Variants in DENND2C observed in about 807,000 individuals in gnomAD.
DENND2C encodes the protein DENN domain containing 2C, also known as DENN domain-containing protein 2C.
DENND2C carries 72 observed loss-of-function variants against 112.4 expected under a neutral mutation model. The ratio of observed to expected loss-of-function variants is 0.64; its 90% confidence interval spans 0.53 to 0.78. DENND2C has a LOEUF of 0.78. Among genes scored for constraint, DENND2C ranks in the 30% least tolerant of loss-of-function variants. The probability of loss-of-function intolerance (pLI) is 0.00; values close to 1 mark genes in which losing one functional copy is unlikely to be tolerated. For synonymous variants in DENND2C, 329 were observed against 381.6 expected, an observed-to-expected ratio of 0.86 and a Z score of 1.61; for missense variants, 992 against 1,113.8, an observed-to-expected ratio of 0.89 and a Z score of 1.56.
chr1:114,668,254 C>A (rs535697090), intron 1 of DENND2C, among the ~76,000 whole-genome samples: 2 of 152,042 alleles, frequency 1.3e-5, no homozygotes, highest in African/African-American at 4.8e-5. Flanking sequence ...AAAGACCCAT[C>A]CTCCACTGAA....
chr1:114,652,537 T>C (rs1657195889), intron 2 of DENND2C, among the ~76,000 whole-genome samples: 2 of 152,080 alleles, frequency 1.3e-5, no homozygotes, highest in Admixed American at 1.3e-4. Flanking sequence ...TCCCTTGGTA[T>C]GTGTGGGGAT....
At chr1:114,641,534 G>C (rs1022787652) in intron 3 of DENND2C, among the ~76,000 whole-genome samples, 1 of 151,952 alleles carries the variant, frequency 6.6e-6, no homozygotes, top group Non-Finnish European at 1.5e-5. Context: ...ACAACAGCTG[G>C]TTATTTGAAA....
Position 114,600,376 on chromosome 1 carries a change from G to A in DENND2C, c.1957-24C>T, listed in dbSNP as rs750594394. 6.8e-6 allele frequency: 11 copies of A among 1,613,174 alleles called. No homozygotes were observed. The Admixed American group carries it at 1.0e-4, about 15-fold the overall frequency. Reference sequence around the variant, plus strand: ...GACTGAAATGCAAGAAGTTGAATCAGGTGAGCTAATGTTGGAAAACAATCC... The same window carrying A: ...GACTGAAATGCAAGAAGTTGAATCAAGTGAGCTAATGTTGGAAAACAATCC... On this transcript the variant is annotated intron_variant, in intron 14 of 20. Transcript: ENST00000393274.
At chr1:114,607,466 A>T (rs1655691642) in intron 10 of DENND2C, among the ~76,000 whole-genome samples, 1 of 152,184 alleles carries the variant, frequency 6.6e-6, no homozygotes, top group Non-Finnish European at 1.5e-5. Flanking sequence ...AAAAGGCAGA[A>T]ATACAGATTT....
intron 1 of DENND2C, among the ~76,000 whole-genome samples, chr1:114,656,485 C>T (rs1029192038): frequency 2.0e-5 from 3 of 151,698 alleles, no homozygotes; most frequent in African/African-American, 7.3e-5. Flanking sequence ...TAACCTCTGC[C>T]TCCTGGGATC....
intron 10 of DENND2C, among the ~76,000 whole-genome samples, 199 bp from the exon 11 acceptor site, chr1:114,605,230 G>A (rs143963171): frequency 2.6e-5 from 4 of 152,228 alleles, no homozygotes; most frequent in Non-Finnish European, 4.4e-5. Flanking sequence ...TGAGAACAGA[G>A]TTACTAAGAA....
At chr1:114,635,471 T>C (rs992620165) in intron 3 of DENND2C, among the ~76,000 whole-genome samples, 2 of 152,150 alleles carry the variant, frequency 1.3e-5, no homozygotes, top group African/African-American at 2.4e-5. Context: ...TGGGCTATGA[T>C]TGCACCACTG....
intron 3 of DENND2C, among the ~76,000 whole-genome samples, chr1:114,639,459 A>G (rs1159991106): frequency 6.6e-6 from 1 of 151,794 alleles, no homozygotes; most frequent in Non-Finnish European, 1.5e-5. Flanking sequence ...GGTGCCTGTA[A>G]TAATCCCAGC....
intron 18 of DENND2C, among the ~76,000 whole-genome samples, chr1:114,592,127 T>C (rs975498551): frequency 6.6e-6 from 1 of 151,998 alleles, no homozygotes; most frequent in African/African-American, 2.4e-5. Flanking sequence ...TCAAGTGATC[T>C]GCCCACCTCC....
At chr1:114,630,119 C>A (rs958873427) in intron 3 of DENND2C, among the ~76,000 whole-genome samples, 3 of 151,738 alleles carry the variant, frequency 2.0e-5, no homozygotes, top group Non-Finnish European at 1.5e-5. Context: ...TTGAGACCAT[C>A]CTGGCCAACA....
intron 1 of DENND2C, among the ~76,000 whole-genome samples, chr1:114,661,106 C>CAAAA (rs61417132): frequency 3.3e-4 from 34 of 102,538 alleles, no homozygotes; most frequent in South Asian, 6.4e-4. Context: ...GACTCCGTCT[C>CAAAA]AAAAAAAAAA....
chr1:114,657,160 T>C (rs527382233), intron 1 of DENND2C, among the ~76,000 whole-genome samples: 1 of 152,384 alleles, frequency 6.6e-6, no homozygotes, highest in Non-Finnish European at 1.5e-5. Context: ...TCCTCAGTCA[T>C]ACTGGAATTG....
chr1:114,589,751 T>G (rs1411769968), intron 18 of DENND2C, among the ~76,000 whole-genome samples: 1 of 152,194 alleles, frequency 6.6e-6, no homozygotes, highest in Non-Finnish European at 1.5e-5. Context: ...TTCTTTATTC[T>G]TTCCTTTTTA....
Position 114,584,833 on chromosome 1 carries a change from C to CACCCTCAAACTCCT in DENND2C, c.*753_*766dup, listed in dbSNP as rs1654998457. The stretch of plus-strand genomic sequence containing the variant: ...GTTGCCCAGGCTAGTCTCAAACTCC[C>CACCCTCAAACTCCT]ACCCTCAAACTCCTGCCTTAGCCTC... On this transcript the variant is annotated 3_prime_UTR_variant, in exon 21 of 21. Transcript: ENST00000393274. The CACCCTCAAACTCCT allele has an allele frequency of 6.6e-6, 1 of 152,058 alleles. No homozygotes were observed. Among genetic ancestry groups the CACCCTCAAACTCCT allele is most frequent in the Non-Finnish European group, 1.5e-5 (1 of 67,998 alleles). The allele number at this position is 152,058 out of a possible 1,614,324, so 9.4% of individuals were successfully genotyped here. A position where few individuals can be genotyped will look rare whatever the true frequency, so the allele number is the denominator to read the frequency against.
chr1:114,620,108 G>A (rs1391178716), intron 7 of DENND2C, among the ~76,000 whole-genome samples: 2 of 152,152 alleles, frequency 1.3e-5, no homozygotes, highest in Non-Finnish European at 2.9e-5. Flanking sequence ...TTCCCTTCCA[G>A]GGACAGCTGG....
intron 1 of DENND2C, among the ~76,000 whole-genome samples, chr1:114,667,368 G>A (rs911603851): frequency 6.6e-6 from 1 of 152,114 alleles, no homozygotes; most frequent in Non-Finnish European, 1.5e-5. Flanking sequence ...CTTAAAGACA[G>A]GGAAGCATTT....
chr1:114,611,568 T>G, intron 8 of DENND2C, among the ~76,000 whole-genome samples: 1 of 152,148 alleles, frequency 6.6e-6, no homozygotes. Flanking sequence ...AGGAGAGAGA[T>G]ATTACCAAGT....
In DENND2C at chr1:114,584,097, T is replaced by C. The variant is rs1654977111; in HGVS notation, c.*1503A>G. On this transcript the variant is annotated 3_prime_UTR_variant, in exon 21 of 21. Coordinates refer to ENST00000393274, the MANE Select transcript of DENND2C (RefSeq NM_001256404.2). Reference sequence around the variant, plus strand: ...TGAAAAGTGGCTCTGGTACACTTAATAGAAAATTTTTATTAATAAAAGAAA... The same window carrying C: ...TGAAAAGTGGCTCTGGTACACTTAACAGAAAATTTTTATTAATAAAAGAAA... 6.6e-6 allele frequency: 1 copy of C among 152,104 alleles called. No individual in the cohort carries two copies. Among genetic ancestry groups the C allele is most frequent in the Admixed American group, 6.6e-5 (1 of 15,252 alleles). The allele number at this position is 152,104 out of a possible 1,614,324, so 9.4% of individuals were successfully genotyped here. A position where few individuals can be genotyped will look rare whatever the true frequency, so the allele number is the denominator to read the frequency against.
At position 114,622,983 on chromosome 1, in the gene DENND2C, ATACCTTGGG is replaced by A. The variant is rs768817191; in HGVS notation, c.1051_1056+3del. 5 of 1,600,870 alleles carry A rather than the reference ATACCTTGGG, an allele frequency of 3.1e-6. No individual in the cohort carries two copies. Among genetic ancestry groups the A allele is most frequent in the Middle Eastern group, 1.7e-4 (1 of 6,038 alleles). On this transcript the variant is annotated splice_donor_variant and splice_donor_region_variant and coding_sequence_variant and intron_variant, in exon 6 of 21. Transcript: ENST00000393274. LOFTEE classifies it high-confidence loss of function. ...GTTTTCTTCAATTCATTATCTGGTT[ATACCTTGGG>A]TGCTTTAAAAGCACTTTTAGCGGGT...
Sources: allele counts gnomAD v4.1 joint callset (sites outside exome capture counted in the v4.1 genomes callset), GRCh38; gene constraint gnomAD v4.1.1; transcripts MANE v1.5; gene names NCBI Gene and HGNC (gene_info 2026-07-23, HGNC 2026-07-21).